Variants in C1orf105 observed in about 807,000 individuals in gnomAD.
C1orf105 encodes chromosome 1 open reading frame 105, also known as uncharacterized protein C1orf105.
Under a neutral mutation model 20.8 loss-of-function variants are expected in C1orf105, and 17 were observed. The ratio of observed to expected loss-of-function variants is 0.82; its 90% CI spans 0.56 to 1.23. The LOEUF (loss-of-function observed/expected upper bound fraction) is 1.23. Among genes scored for constraint, C1orf105 ranks in the 50% most tolerant of loss-of-function variants. C1orf105 has a pLI of 0.00. For synonymous variants in C1orf105, 72 were observed against 72.1 expected (o/e 1.00, Z 0.01); for missense variants, 219 against 213.5 (o/e 1.03, Z -0.16).
intron 1 of C1orf105, among the ~76,000 whole-genome samples, chr1:172,423,801 G>A (rs2071652760): frequency 6.6e-6 from 1 of 151,840 alleles, no homozygotes; most frequent in African/African-American, 2.4e-5. Flanking sequence ...CAGAAATTCT[G>A]GAGTTGAAAA....
chr1:172,468,593 G>C lies in C1orf105; in HGVS notation c.551G>C (p.Ter184SerextTer39). The change falls in exon 7 of 7, where the codon TGA (stop) becomes TCA (serine). Residue 184 changes from the stop codon to serine, a stop_lost. Transcript: ENST00000367727. ...CCAATAGGCAAGACAACGAGGCAGT[G>C]AGCGGTAGGAGCTCATCACCTCCCA... ...KEPIGKTTRQ[*>S] The C allele has an allele frequency of 6.2e-7, 1 of 1,612,654 alleles. No homozygotes were observed. The highest frequency in any genetic ancestry group is 8.5e-7 in the Non-Finnish European group (1 of 1,179,072).
chr1:172,451,486 T>A (rs1440092069), intron 3 of C1orf105, among the ~76,000 whole-genome samples: 2 of 152,234 alleles, frequency 1.3e-5, no homozygotes, highest in African/African-American at 4.8e-5. Flanking sequence ...TCACATTGAC[T>A]AAATTTTCAA....
intron 1 of C1orf105, among the ~76,000 whole-genome samples, chr1:172,423,025 G>A (rs1181550781): frequency 2.6e-5 from 4 of 152,270 alleles, no homozygotes; most frequent in South Asian, 2.1e-4. Flanking sequence ...CCCAGACAGC[G>A]TCTCTGGACT....
At chr1:172,428,406 CAAT>C (rs1485325883) in intron 1 of C1orf105, among the ~76,000 whole-genome samples, 1 of 152,222 alleles carries the variant, frequency 6.6e-6, no homozygotes, top group African/African-American at 2.4e-5. Flanking sequence ...TAGTAGCTTA[CAAT>C]GTCATACATA....
chr1:172,443,935 A>C (rs1354510505), intron 1 of C1orf105: 1 of 989,892 alleles, frequency 1.0e-6, no homozygotes, highest in African/African-American at 1.8e-5. Flanking sequence ...TGCGGGAGGC[A>C]GCAGAGGAAA....
chr1:172,468,777 A>G lies in C1orf105; in HGVS notation c.*183A>G. On this transcript the variant is annotated 3_prime_UTR_variant, in exon 7 of 7. Transcript: ENST00000367727. ...CTATGTTCTTTCTCACGTCTCCTAA[A>G]GACAAAATTGTTTAATTTACATGAT... is the stretch of plus-strand genomic sequence containing the variant. 2 of 513,488 alleles carry G rather than the reference A, an allele frequency of 3.9e-6. No individual in the cohort carries two copies. The highest frequency in any genetic ancestry group is 3.4e-5 in the Admixed American group (1 of 29,520). The allele number at this position is 513,488 out of a possible 1,614,324, so 31.8% of individuals were successfully genotyped here. A position where few individuals can be genotyped will look rare whatever the true frequency, so the allele number is the denominator to read the frequency against.
intron 4 of C1orf105, among the ~76,000 whole-genome samples, chr1:172,459,449 A>G (rs534093154): frequency 3.3e-5 from 5 of 152,322 alleles, no homozygotes; most frequent in African/African-American, 1.2e-4. Context: ...GATACTCAAC[A>G]TTATTTGTTG....
At chr1:172,424,681 G>A (rs1198114548) in intron 1 of C1orf105, among the ~76,000 whole-genome samples, 2 of 152,128 alleles carry the variant, frequency 1.3e-5, no homozygotes, top group Admixed American at 6.5e-5. Flanking sequence ...GTGAGCCACC[G>A]TGCCCGGCCT....
intron 5 of C1orf105, among the ~76,000 whole-genome samples, chr1:172,464,148 A>G (rs572292536): frequency 1.3e-5 from 2 of 152,242 alleles, no homozygotes; most frequent in Non-Finnish European, 2.9e-5. Flanking sequence ...GAAAAAAGGA[A>G]GAGAGGGAGA....
chr1:172,466,504 C>T (rs1650062473), intron 6 of C1orf105, among the ~76,000 whole-genome samples: 1 of 152,088 alleles, frequency 6.6e-6, no homozygotes, highest in Non-Finnish European at 1.5e-5. Flanking sequence ...GTGCCAGCCA[C>T]ACACTCATTC....
Position 172,420,955 on chromosome 1 carries a change from C to G in C1orf105, c.21+49C>G, listed in dbSNP as rs781476016. On this transcript the variant is annotated intron_variant, in intron 1 of 6. Transcript: ENST00000367727. ...TCCAATTCTTTCCTTATGGGGTTAC[C>G]CTGGTAAATGTTTGTATGCCTTGGA... 2.4e-5 allele frequency: 37 copies of G among 1,543,356 alleles called. 2 individuals carry two copies. The South Asian group carries it at 3.6e-4, about 15-fold the overall frequency.
chr1:172,445,886 C>T (rs1365902179), intron 2 of C1orf105, among the ~76,000 whole-genome samples: 1 of 152,106 alleles, frequency 6.6e-6, no homozygotes, highest in Non-Finnish European at 1.5e-5. Flanking sequence ...ACACGACAGA[C>T]TAAAAAGGAA....
intron 3 of C1orf105, among the ~76,000 whole-genome samples, chr1:172,449,331 C>G (rs1196477893): frequency 1.3e-5 from 2 of 152,128 alleles, no homozygotes; most frequent in Non-Finnish European, 2.9e-5. Flanking sequence ...GAATGCGTCT[C>G]AGAAACAGGG....
At chr1:172,428,103 C>T (rs2071769693) in intron 1 of C1orf105, among the ~76,000 whole-genome samples, 1 of 152,160 alleles carries the variant, frequency 6.6e-6, no homozygotes, top group Admixed American at 6.5e-5. Flanking sequence ...AGGGGAAAAA[C>T]CTTAATTTAT....
intron 1 of C1orf105, chr1:172,442,887 G>A (rs1293184608): frequency 2.6e-6 from 1 of 384,084 alleles, no homozygotes; most frequent in African/African-American, 2.0e-5. Flanking sequence ...GAGTAGTACT[G>A]AGATAAAGTC....
intron 5 of C1orf105, 91 bp downstream of exon 5, chr1:172,462,336 G>A: frequency 1.1e-6 from 1 of 940,110 alleles, no homozygotes; most frequent in Non-Finnish European, 1.6e-6. Context: ...TAAGAGGAAT[G>A]TTTAAGGAAT....
At chr1:172,444,064 G>C in intron 1 of C1orf105, 3 of 999,060 alleles carry the variant, frequency 3.0e-6, no homozygotes, top group South Asian at 9.4e-5. Flanking sequence ...CCGGGGCTGC[G>C]ACTGTGGCCA....
chr1:172,428,641 A>G (rs1049283284), intron 1 of C1orf105, among the ~76,000 whole-genome samples: 4 of 152,150 alleles, frequency 2.6e-5, no homozygotes, highest in African/African-American at 9.7e-5. Flanking sequence ...TACCTTTCCC[A>G]TGAGACCTAC....
chr1:172,431,010 G>T, intron 1 of C1orf105: 2 of 587,532 alleles, frequency 3.4e-6, no homozygotes, highest in South Asian at 2.3e-5. Flanking sequence ...TGTTCTGACT[G>T]CTCCACTGAC....
Sources: allele counts gnomAD v4.1 joint callset (sites outside exome capture counted in the v4.1 genomes callset), GRCh38; gene constraint gnomAD v4.1.1; transcripts MANE v1.5; gene names NCBI Gene and HGNC (gene_info 2026-07-23, HGNC 2026-07-21).